Variants in CLN8 observed in about 807,000 individuals in gnomAD.
CLN8 encodes protein CLN8.
In CLN8, 14 loss-of-function variants were observed where a neutral mutation model predicts 15.7. That is an observed-to-expected ratio of 0.89 (90% CI 0.59 to 1.39). The LOEUF (loss-of-function observed/expected upper bound fraction) is 1.39. Among genes scored for constraint, CLN8 ranks in the 40% most tolerant of loss-of-function variants. CLN8 has a pLI of 0.00. For synonymous variants in CLN8, 188 were observed against 151.0 expected (o/e 1.25, Z -1.80); for missense variants, 415 against 364.0 (o/e 1.14, Z -1.14).
At position 1,780,317 on chromosome 8, in the gene CLN8, G is replaced by T. The variant is rs386834134; in HGVS notation, c.611G>T (p.Arg204Leu). The T allele has an allele frequency of 2.5e-6, 4 of 1,614,238 alleles. No individual in the cohort carries two copies. Among genetic ancestry groups the T allele is most frequent in the Non-Finnish European group, 3.4e-6 (4 of 1,180,052 alleles). ...QWLMIHMFHCRMVLTYHMWWV... is the reference protein window; with the variant it reads ...QWLMIHMFHCLMVLTYHMWWV... ...CTGATGATTCACATGTTTCACTGCC[G>T]CATGGTTCTAACCTACCACATGTGG... Residue 204 changes from arginine to leucine, a missense_variant, in exon 3 of 3, where the codon CGC (arginine) becomes CTC (leucine). Arg to Leu is a moderately radical substitution (Grantham distance 102). Coordinates refer to ENST00000331222, the MANE Select transcript of CLN8 (RefSeq NM_018941.4).
chr8:1,755,626 T>C (rs541236253), upstream of CLN8, among the ~76,000 whole-genome samples: 1 of 152,308 alleles, frequency 6.6e-6, no homozygotes, highest in East Asian at 1.9e-4. Flanking sequence ...CCCAGAGGGC[T>C]GGGGGTTGGA....
At chr8:1,761,691 G>C (rs183387671), upstream of CLN8, among the ~76,000 whole-genome samples, 30 of 152,324 alleles carry the variant, frequency 2.0e-4, no homozygotes, top group East Asian at 5.8e-3. Flanking sequence ...GCACTGAGGG[G>C]TCAGATCAGA....
At chr8:1,762,632 T>G (rs1187732504), upstream of CLN8, 1 of 152,140 alleles carries the variant, frequency 6.6e-6, no homozygotes, top group Non-Finnish European at 1.5e-5. Context: ...TACTAAAGGG[T>G]TATAATAATT....
At chr8:1,760,814 A>C (rs1043292964), upstream of CLN8, among the ~76,000 whole-genome samples, 2 of 152,172 alleles carry the variant, frequency 1.3e-5, no homozygotes, top group Non-Finnish European at 2.9e-5. Context: ...GCTCTGATAC[A>C]GAGTGGGGAG....
rs1801716893 is a variant in CLN8, at chr8:1,781,685, C to T, written c.*1118C>T. The T allele has an allele frequency of 6.6e-6, 1 of 152,138 alleles. No homozygotes were observed. The allele number at this position is 152,138 out of a possible 1,614,324, so 9.4% of individuals were successfully genotyped here. On this transcript the variant is annotated 3_prime_UTR_variant, in exon 3 of 3. Transcript: ENST00000331222. ...TTTAATTGACTGAGTTACCTACAGG[C>T]ACCCAATCTAGACCCTAATTCTGTG... is the stretch of plus-strand genomic sequence containing the variant.
At chr8:1,780,028 C>A in intron 2 of CLN8, 1 of 985,454 alleles carries the variant, frequency 1.0e-6, no homozygotes, top group Non-Finnish European at 1.2e-6. Context: ...ACAGCATGAG[C>A]GGGCAAGGGT....
intron 1 of CLN8, among the ~76,000 whole-genome samples, chr8:1,756,776 G>A (rs1282272666): frequency 1.3e-5 from 2 of 148,894 alleles, no homozygotes; most frequent in Non-Finnish European, 3.0e-5. Flanking sequence ...TCTGCCTCCC[G>A]GGTTCAAGCA....
At chr8:1,775,795 G>A (rs191780185) in intron 2 of CLN8, among the ~76,000 whole-genome samples, 15 of 151,232 alleles carry the variant, frequency 9.9e-5, no homozygotes, top group Non-Finnish European at 2.1e-4. Context: ...TCAGTGTTTT[G>A]TCTTCAGACA....
At position 1,784,417 on chromosome 8, in the gene CLN8, G is replaced by A. The variant is rs1236348280; in HGVS notation, c.*3850G>A. The stretch of plus-strand genomic sequence containing the variant: ...GGTGGAGGGGATGGAAGGTCAACAG[G>A]CCTCAGCTAGTTCTCCGCTGCCTTT... On this transcript the variant is annotated 3_prime_UTR_variant, in exon 3 of 3. Transcript: ENST00000331222. The A allele has an allele frequency of 6.6e-6, 1 of 152,272 alleles. No individual in the cohort carries two copies. The highest frequency in any genetic ancestry group is 2.4e-5 in the African/African-American group (1 of 41,428). 9.4% of individuals were successfully genotyped at this position (152,272 alleles called of 1,614,324 possible). A position where few individuals can be genotyped will look rare whatever the true frequency, so the allele number is the denominator to read the frequency against.
In CLN8 at chr8:1,780,780, T is replaced by G. The variant is rs1016758037; in HGVS notation, c.*213T>G. 4.9e-6 allele frequency: 3 copies of G among 616,582 alleles called. No homozygotes were observed. The highest frequency in any genetic ancestry group is 8.4e-6 in the Non-Finnish European group (3 of 355,312). The allele number at this position is 616,582 out of a possible 1,614,324, so 38.2% of individuals were successfully genotyped here. On this transcript the variant is annotated 3_prime_UTR_variant, in exon 3 of 3. Coordinates refer to ENST00000331222, the MANE Select transcript of CLN8 (RefSeq NM_018941.4). ...TTTTATGACTGTCTGGCAGGCTCTG[T>G]CAGTTTAGCCGCGCCGGACCGTGTC...
In CLN8 at chr8:1,781,082, G is replaced by T; in HGVS notation, c.*515G>T. The T allele has an allele frequency of 6.4e-6, 1 of 156,976 alleles. No individual in the cohort carries two copies. The highest frequency in any genetic ancestry group is 1.4e-5 in the Non-Finnish European group (1 of 70,984). The allele number at this position is 156,976 out of a possible 1,614,324, so 9.7% of individuals were successfully genotyped here. ...AGCGTATGAAATTCTAAGCTGGGTG[G>T]GGTGGCTCACACCCGACGTAATCCC... On this transcript the variant is annotated 3_prime_UTR_variant, in exon 3 of 3. Transcript: ENST00000331222.
chr8:1,753,123 C>G (rs1307210048), upstream of CLN8, among the ~76,000 whole-genome samples: 2 of 152,184 alleles, frequency 1.3e-5, no homozygotes, highest in Non-Finnish European at 2.9e-5. Flanking sequence ...GGTACATTCT[C>G]CCCTTTCTGA....
chr8:1,770,148 G>A (rs1449568004), intron 1 of CLN8, among the ~76,000 whole-genome samples: 1 of 152,184 alleles, frequency 6.6e-6, no homozygotes, highest in Non-Finnish European at 1.5e-5. Flanking sequence ...ACTTAACCCA[G>A]TCCATGGGTC....
In CLN8 at chr8:1,780,288, G is replaced by A. The variant is rs139824802; in HGVS notation, c.582G>A (p.Gln194=). Reference sequence around the variant, plus strand: ...AGTCTCTGTTTTGGAAGCTCAACCAGTGGCTGATGATTCACATGTTTCACT... The same window carrying A: ...AGTCTCTGTTTTGGAAGCTCAACCAATGGCTGATGATTCACATGTTTCACT... ...WSESLFWKLN[Q]WLMIHMFHCR... is the part of the protein sequence containing the mutation. The change falls in exon 3 of 3, where the codon CAG becomes CAA. Residue 194 remains glutamine (Q), a synonymous_variant. Transcript: ENST00000331222. 8 of 1,614,278 alleles carry A rather than the reference G, an allele frequency of 5.0e-6. No homozygotes were observed. In the African/African-American group the frequency reaches 1.1e-4, roughly 22 times the overall value.
chr8:1,773,814 G>T (rs890014216), intron 2 of CLN8: 4 of 152,166 alleles, frequency 2.6e-5, no homozygotes, highest in African/African-American at 7.2e-5. Context: ...ACTCGGCTGT[G>T]GCAGAAAATA....
chr8:1,756,688 T>TC (rs1376601199), intron 1 of CLN8, among the ~76,000 whole-genome samples: 1 of 150,714 alleles, frequency 6.6e-6, no homozygotes, highest in East Asian at 2.0e-4. Context: ...TCCTTTTTTT[T>TC]TTTTTTTTTT....
At chr8:1,775,269 A>G (rs1260758105) in intron 2 of CLN8, among the ~76,000 whole-genome samples, 1 of 152,222 alleles carries the variant, frequency 6.6e-6, no homozygotes, top group Non-Finnish European at 1.5e-5. Context: ...CTTAGGTTAT[A>G]TGCACATACA....
chr8:1,766,274 T>G (rs1801051228), intron 1 of CLN8, among the ~76,000 whole-genome samples: 1 of 152,188 alleles, frequency 6.6e-6, no homozygotes, highest in Non-Finnish European at 1.5e-5. Flanking sequence ...GAGTTGTTTA[T>G]TCTCCGGCTC....
rs749774943 is a variant in CLN8 at position 1,780,529 on chromosome 8, G to C, written c.823G>C (p.Glu275Gln). The C allele has an allele frequency of 3.7e-6, 6 of 1,614,216 alleles. No individual in the cohort carries two copies. In the Admixed American group the frequency reaches 1.0e-4, roughly 27 times the overall value. ...FAQPEAKSRP[E>Q]GNGQLLRKKR... ...ACAGCCAGAAGCCAAGAGCAGGCCA[G>C]AAGGCAACGGGCAGCTGCTGCGGAA... The change falls in exon 3 of 3, where the codon GAA (glutamate) becomes CAA (glutamine). Residue 275 changes from glutamate (E) to glutamine (Q), a missense_variant. Physicochemically the swap from Glu to Gln is conservative, Grantham distance 29. Coordinates refer to ENST00000331222, the MANE Select transcript of CLN8 (RefSeq NM_018941.4).
Sources: allele counts gnomAD v4.1 joint callset (sites outside exome capture counted in the v4.1 genomes callset), GRCh38; gene constraint gnomAD v4.1.1; transcripts MANE v1.5; gene names NCBI Gene and HGNC (gene_info 2026-07-23, HGNC 2026-07-21).